The following VSTM2L variants were observed in gnomAD, a reference collection of about 807,000 sequenced individuals.
VSTM2L encodes the protein V-set and transmembrane domain containing 2 like.
A neutral mutation model predicts 19.9 loss-of-function variants in VSTM2L; 9 were observed. The ratio of observed to expected loss-of-function variants is 0.45; its 90% confidence interval spans 0.27 to 0.79. The LOEUF is 0.79. Ranked by LOEUF, VSTM2L falls within the 30% of genes least tolerant of loss-of-function variation. VSTM2L has a pLI of 0.15. For missense variants in VSTM2L, 286 were observed against 295.5 expected (o/e 0.97, Z 0.24); for synonymous variants, 127 against 133.8 (o/e 0.95, Z 0.35).
At chr20:37,913,159 A>G (rs2072790630) in intron 1 of VSTM2L, among the ~76,000 whole-genome samples, 1 of 152,156 alleles carries the variant, frequency 6.6e-6, no homozygotes, top group Non-Finnish European at 1.5e-5. Context: ...TGGAGGGGAC[A>G]CTGACGCTTG....
At chr20:37,942,325 T>C (rs1201023876) in intron 3 of VSTM2L, among the ~76,000 whole-genome samples, 2 of 152,058 alleles carry the variant, frequency 1.3e-5, no homozygotes, top group Admixed American at 1.3e-4. Flanking sequence ...CAACTAAAAA[T>C]ACAAAAATTA....
intron 1 of VSTM2L, among the ~76,000 whole-genome samples, chr20:37,923,157 C>T (rs557641705): frequency 1.2e-4 from 19 of 152,134 alleles, no homozygotes; most frequent in Non-Finnish European, 2.1e-4. Flanking sequence ...AGTGGTTTGC[C>T]CAGGTCACAC....
chr20:37,912,579 G>A (rs2072786270), intron 1 of VSTM2L, among the ~76,000 whole-genome samples: 1 of 152,200 alleles, frequency 6.6e-6, no homozygotes, highest in Admixed American at 6.5e-5. Flanking sequence ...CTGGGGGCAG[G>A]TCAGGGCTGG....
At chr20:37,933,276 C>T (rs2072920897) in intron 2 of VSTM2L, among the ~76,000 whole-genome samples, 3 of 152,344 alleles carry the variant, frequency 2.0e-5, no homozygotes, top group African/African-American at 7.2e-5. Context: ...CCAAAGCACC[C>T]TTGTGTATCT....
At chr20:37,938,922 A>G (rs6123182) in intron 3 of VSTM2L, among the ~76,000 whole-genome samples, 48,977 of 151,920 alleles carry the variant, frequency 0.32, 8,111 homozygotes, top group East Asian at 0.51. Flanking sequence ...TTCCCAAGAC[A>G]TGGAGGATTG....
intron 1 of VSTM2L, among the ~76,000 whole-genome samples, chr20:37,911,531 G>T (rs983348222): frequency 1.3e-5 from 2 of 152,210 alleles, no homozygotes; most frequent in African/African-American, 2.4e-5. Flanking sequence ...CAGGTGGGTG[G>T]AGCCCCCAAC....
intron 1 of VSTM2L, among the ~76,000 whole-genome samples, chr20:37,921,562 T>C (rs2072851246): frequency 6.6e-6 from 1 of 152,230 alleles, no homozygotes; most frequent in South Asian, 2.1e-4. Context: ...TAGAATCTCC[T>C]GCCTTTAACT....
intron 1 of VSTM2L, among the ~76,000 whole-genome samples, chr20:37,923,411 C>G (rs530773903): frequency 1.3e-5 from 2 of 152,184 alleles, no homozygotes; most frequent in Non-Finnish European, 2.9e-5. Flanking sequence ...ATTAATACAT[C>G]GCACCCCCAA....
chr20:37,911,491 G>A (rs151164336), intron 1 of VSTM2L, among the ~76,000 whole-genome samples: 172 of 152,328 alleles, frequency 1.1e-3, no homozygotes, highest in African/African-American at 3.2e-3. Flanking sequence ...TCCGTCACAC[G>A]GCAATTTAGT....
chr20:37,921,285 A>C (rs1031430029), intron 1 of VSTM2L, among the ~76,000 whole-genome samples: 1 of 152,194 alleles, frequency 6.6e-6, no homozygotes, highest in Admixed American at 6.5e-5. Flanking sequence ...GTAAGTGGCC[A>C]GGAGGGGCTG....
At chr20:37,910,298 G>A (rs1218922888) in intron 1 of VSTM2L, among the ~76,000 whole-genome samples, 2 of 152,228 alleles carry the variant, frequency 1.3e-5, no homozygotes, top group Non-Finnish European at 2.9e-5. Flanking sequence ...TAGCGCAGGC[G>A]GTGCGTGGGC....
At chr20:37,910,880 G>A (rs2072775460) in intron 1 of VSTM2L, among the ~76,000 whole-genome samples, 1 of 150,558 alleles carries the variant, frequency 6.6e-6, no homozygotes, top group African/African-American at 2.5e-5. Flanking sequence ...TTGCACCACT[G>A]CACTCCAGCC....
chr20:37,929,714 C>G (rs1380448600), intron 1 of VSTM2L, among the ~76,000 whole-genome samples: 1 of 152,042 alleles, frequency 6.6e-6, no homozygotes, highest in Admixed American at 6.5e-5. Flanking sequence ...CCCAGGAAGG[C>G]AGTGGAGGTG....
At chr20:37,931,526 C>A in intron 1 of VSTM2L, 109 bp from the exon 2 acceptor site, 1 of 1,219,708 alleles carries the variant, frequency 8.2e-7, no homozygotes, top group African/African-American at 1.5e-5. Flanking sequence ...ACCCCCTCCA[C>A]CCATCCCCCG....
At chr20:37,927,965 G>A (rs1434244666) in intron 1 of VSTM2L, among the ~76,000 whole-genome samples, 1 of 152,194 alleles carries the variant, frequency 6.6e-6, no homozygotes, top group Non-Finnish European at 1.5e-5. Flanking sequence ...TTCTTGCTCT[G>A]TGTTCTGCAT....
chr20:37,929,922 T>C (rs1390065457), intron 1 of VSTM2L, among the ~76,000 whole-genome samples: 1 of 152,114 alleles, frequency 6.6e-6, no homozygotes, highest in Non-Finnish European at 1.5e-5. Flanking sequence ...TGCCTCTTAC[T>C]TAGTGGGGAT....
chr20:37,909,255 A>G (rs1340099509), intron 1 of VSTM2L, among the ~76,000 whole-genome samples: 2 of 152,108 alleles, frequency 1.3e-5, no homozygotes, highest in African/African-American at 4.8e-5. Flanking sequence ...AAGCATGGGG[A>G]GAGTGTGTAG....
At chr20:37,903,608 G>A in intron 1 of VSTM2L, 137 bp downstream of exon 1, 1 of 1,262,504 alleles carries the variant, frequency 7.9e-7, no homozygotes, top group South Asian at 2.1e-5. Context: ...CCGGCGCGGT[G>A]GACCCGCCCT....
chr20:37,925,698 C>T (rs986322054), intron 1 of VSTM2L, among the ~76,000 whole-genome samples: 33 of 152,216 alleles, frequency 2.2e-4, no homozygotes, highest in African/African-American at 8.0e-4. Context: ...TCCCCTAACC[C>T]ACCGCCCGTA....
Sources: allele counts gnomAD v4.1 joint callset (sites outside exome capture counted in the v4.1 genomes callset), GRCh38; gene constraint gnomAD v4.1.1; transcripts MANE v1.5; gene names NCBI Gene and HGNC (gene_info 2026-07-23, HGNC 2026-07-21).